Variants in PERP observed in about 807,000 individuals in gnomAD.
The protein encoded by PERP is p53 apoptosis effector related to PMP22.
In PERP, 11 loss-of-function variants were observed where a neutral mutation model predicts 20.3. That is an observed-to-expected ratio of 0.54 (90% confidence interval 0.34 to 0.90). The LOEUF is 0.90. Ranked by LOEUF, PERP falls within the 40% of genes least tolerant of loss-of-function variation. PERP has a pLI of 0.02. For missense variants in PERP, 224 were observed against 249.4 expected, an observed-to-expected ratio of 0.90 and a Z score of 0.69; for synonymous variants, 101 against 102.0, an observed-to-expected ratio of 0.99 and a Z score of 0.06.
chr6:138,098,204 A>G lies in PERP; in HGVS notation c.215-1710T>C, dbSNP rs138806394. Among the ~76,000 whole-genome samples the G allele has an allele frequency of 4.4e-3, 675 of 152,320 alleles. 6 individuals are homozygous for G. The highest frequency in any genetic ancestry group is 0.015 in the African/African-American group (641 of 41,572). ...TTCACTACATTTGAAAAGGAGAGTC[A>G]TGAGTCACCTGTCCTCCATCTTGGC... On this transcript the variant is annotated intron_variant, in intron 1 of 2. Transcript: ENST00000421351.
chr6:138,100,940 G>T (rs1024704478), intron 1 of PERP, among the ~76,000 whole-genome samples: 1 of 152,120 alleles, frequency 6.6e-6, no homozygotes, highest in Non-Finnish European at 1.5e-5. Flanking sequence ...TTCCTAGGAC[G>T]TGTTTTTAAG....
At chr6:138,105,003 T>C (rs1353066839) in intron 1 of PERP, among the ~76,000 whole-genome samples, 7 of 152,236 alleles carry the variant, frequency 4.6e-5, no homozygotes, top group Admixed American at 1.3e-4. Context: ...GACAGACGTA[T>C]AATAAGCACT....
Position 138,096,332 on chromosome 6 carries a change from AATTGCTG to A in PERP, c.355+15_355+21del, listed in dbSNP as rs757873028. ...ATGCCCACTGAAGGCATAAATGAAG[AATTGCTG>A]ACACACAGTCTTACCAGCCAAGGCA... On this transcript the variant is annotated intron_variant, in intron 2 of 2. Transcript: ENST00000421351. 13 of 1,612,666 alleles carry A rather than the reference AATTGCTG, an allele frequency of 8.1e-6. No individual in the cohort carries two copies. The Middle Eastern group carries it at 6.6e-4, about 82-fold the overall frequency.
rs577977770 is a variant in PERP at position 138,106,903 on chromosome 6, C to CTTTTTTTTTTTTTTTTTT, written c.214+223_214+224insAAAAAAAAAAAAAAAAAA. The stretch of plus-strand genomic sequence containing the variant: ...AAAACTATACAGTTTGAACTACGGC[C>CTTTTTTTTTTTTTTTTTT]TTTTTTTTTTTTCTGTTTCTGAGCT... On this transcript the variant is annotated intron_variant, in intron 1 of 2. Transcript: ENST00000421351. Among the ~76,000 whole-genome samples, 105 of 134,400 alleles carry CTTTTTTTTTTTTTTTTTT rather than the reference C, an allele frequency of 7.8e-4. 2 individuals are homozygous for CTTTTTTTTTTTTTTTTTT. Among genetic ancestry groups the CTTTTTTTTTTTTTTTTTT allele is most frequent in the African/African-American group, 1.1e-3 (38 of 35,916 alleles). The allele number at this position is 134,400 out of a possible 152,430, so 88.2% of individuals were successfully genotyped here.
At position 138,092,358 on chromosome 6, in the gene PERP, A is replaced by C. The variant is rs1417661392; in HGVS notation, c.356-90T>G. 5 of 1,154,056 alleles carry C rather than the reference A, an allele frequency of 4.3e-6. No homozygotes were observed. In the East Asian group the frequency reaches 1.2e-4, roughly 28 times the overall value. The allele number at this position is 1,154,056 out of a possible 1,614,324, so 71.5% of individuals were successfully genotyped here. ...AGCGACAGATTACCTCCTTCCACCA[A>C]GTTTCTGCCTTGAAATAAGTATAAA... On this transcript the variant is annotated intron_variant, in intron 2 of 2. Coordinates refer to ENST00000421351, the MANE Select transcript of PERP (RefSeq NM_022121.5).
In PERP at chr6:138,096,369, G is replaced by C; in HGVS notation, c.340C>G (p.Leu114Val). 1 of 1,613,982 alleles carries C rather than the reference G, an allele frequency of 6.2e-7. No individual in the cohort carries two copies. The highest frequency in any genetic ancestry group is 8.5e-7 in the Non-Finnish European group (1 of 1,179,946). Residue 114 changes from leucine to valine, a missense_variant, in exon 2 of 3, where the codon CTC becomes GTC. Coordinates refer to ENST00000421351, the MANE Select transcript of PERP (RefSeq NM_022121.5). The stretch of plus-strand genomic sequence containing the variant: ...ACAGTCTTACCAGCCAAGGCAAGGA[G>C]ACCTCCAATCACTCTCAGGAAGACA... ...MLVFLRVIGG[L>V]LALAAVFQII... is the part of the protein sequence containing the mutation.
At chr6:138,092,714 C>T (rs1293085664) in intron 2 of PERP, among the ~76,000 whole-genome samples, 1 of 152,074 alleles carries the variant, frequency 6.6e-6, no homozygotes, top group African/African-American at 2.4e-5. Flanking sequence ...TACACACAGG[C>T]ATGCACACAT....
intron 2 of PERP, among the ~76,000 whole-genome samples, chr6:138,093,583 T>C (rs1390531309): frequency 6.6e-6 from 1 of 152,194 alleles, no homozygotes; most frequent in Non-Finnish European, 1.5e-5. Flanking sequence ...TACCACATAC[T>C]GTGTAAGATA....
rs934779621 is a variant in PERP, at chr6:138,107,342, T to C, written c.-2A>G. 4 of 1,590,730 alleles carry C rather than the reference T, an allele frequency of 2.5e-6. No individual in the cohort carries two copies. In the African/African-American group the frequency reaches 5.4e-5, roughly 22 times the overall value. ...GCAGGCCAGGCCGCAGCGGATCATG[T>C]TGACGGGCGGCGCGGGGCCGAGCGG... is the stretch of plus-strand genomic sequence containing the variant. On this transcript the variant is annotated 5_prime_UTR_variant, in exon 1 of 3. Coordinates refer to ENST00000421351, the MANE Select transcript of PERP (RefSeq NM_022121.5). The surrounding 1 kb of genome is among the most constrained non-coding windows in gnomAD (Gnocchi z 4.8).
rs1196189395 is a variant in PERP, at chr6:138,092,164, C to T, written c.460G>A (p.Gly154Ser). ...AVTYIYNWAY[G>S]FGWAATIILI... is the part of the protein sequence containing the mutation. ...ATAATCGTGGCTGCCCACCCAAAGCCGTAGGCCCAGTTATAGATGTAAGTG... is the reference window on the plus strand; with the variant it reads ...ATAATCGTGGCTGCCCACCCAAAGCTGTAGGCCCAGTTATAGATGTAAGTG... Residue 154 changes from glycine (G) to serine (S), a missense_variant, in exon 3 of 3, where the codon GGC becomes AGC. By Grantham distance (56) the Gly-to-Ser change is moderately conservative. Coordinates refer to ENST00000421351, the MANE Select transcript of PERP (RefSeq NM_022121.5). The T allele has an allele frequency of 1.4e-5, 22 of 1,614,060 alleles. No homozygotes were observed. Among genetic ancestry groups the T allele is most frequent in the Non-Finnish European group, 1.9e-5 (22 of 1,180,000 alleles).
intron 1 of PERP, among the ~76,000 whole-genome samples, chr6:138,105,019 T>C (rs954958802): frequency 3.3e-5 from 5 of 152,194 alleles, no homozygotes; most frequent in African/African-American, 9.7e-5. Context: ...GCACTTAAAC[T>C]CATCTTTGGC....
intron 1 of PERP, among the ~76,000 whole-genome samples, chr6:138,104,921 G>T (rs1321881502): frequency 6.7e-6 from 1 of 150,332 alleles, no homozygotes; most frequent in Non-Finnish European, 1.5e-5. Flanking sequence ...CTAGATAATC[G>T]CCTTACAGTG....
chr6:138,094,342 C>T (rs959956127), intron 2 of PERP, among the ~76,000 whole-genome samples: 5 of 152,166 alleles, frequency 3.3e-5, no homozygotes, highest in African/African-American at 9.6e-5. Context: ...CTCCCTGTCT[C>T]TGTAAATTTG....
intron 1 of PERP, among the ~76,000 whole-genome samples, chr6:138,100,617 C>T (rs1775757241): frequency 6.6e-6 from 1 of 151,998 alleles, no homozygotes; most frequent in Non-Finnish European, 1.5e-5. Flanking sequence ...ATTGTCAACT[C>T]TCATTCTCTG....
At position 138,089,054 on chromosome 6, in the gene PERP, C is replaced by A. The variant is rs1002609559; in HGVS notation, c.*2988G>T. 6.6e-6 allele frequency: 1 copy of A among 152,040 alleles called. No homozygotes were observed. Among genetic ancestry groups the A allele is most frequent in the East Asian group, 1.9e-4 (1 of 5,188 alleles). The allele number at this position is 152,040 out of a possible 1,614,324, so 9.4% of individuals were successfully genotyped here. A position where few individuals can be genotyped will look rare whatever the true frequency, so the allele number is the denominator to read the frequency against. ...AAATTTTTTAATTAAAGAAAAAATT[C>A]TATCAATCAGAGAATCTTGAAGGTA... On this transcript the variant is annotated 3_prime_UTR_variant, in exon 3 of 3. Coordinates refer to ENST00000421351, the MANE Select transcript of PERP (RefSeq NM_022121.5).
intron 1 of PERP, among the ~76,000 whole-genome samples, chr6:138,103,441 C>A (rs902113439): frequency 2.0e-5 from 3 of 152,058 alleles, no homozygotes; most frequent in Non-Finnish European, 2.9e-5. Flanking sequence ...CGTGAGCCAC[C>A]ACACCCGGCC....
At chr6:138,101,521 T>C (rs1443346658) in intron 1 of PERP, among the ~76,000 whole-genome samples, 1 of 152,248 alleles carries the variant, frequency 6.6e-6, no homozygotes, top group Admixed American at 6.5e-5. Flanking sequence ...GTAGTCCTCC[T>C]CTTCATGAAT....
Position 138,092,187 on chromosome 6 carries a change from G to A in PERP, c.437C>T (p.Thr146Ile). The A allele has an allele frequency of 6.2e-7, 1 of 1,614,136 alleles. No homozygotes were observed. The highest frequency in any genetic ancestry group is 8.5e-7 in the Non-Finnish European group (1 of 1,179,992). The change falls in exon 3 of 3, where the codon ACT becomes ATT. Residue 146 changes from threonine (T) to isoleucine (I), a missense_variant. Physicochemically the swap from Thr to Ile is moderately conservative, Grantham distance 89 (BLOSUM62 -1). Coordinates refer to ENST00000421351, the MANE Select transcript of PERP (RefSeq NM_022121.5). ...GCCGTAGGCCCAGTTATAGATGTAA[G>A]TGACAGCAGGGTTGGCATGAAGGGT... ...TFTLHANPAV[T>I]YIYNWAYGFG...
At chr6:138,095,274 A>G (rs897322630) in intron 2 of PERP, among the ~76,000 whole-genome samples, 1 of 152,236 alleles carries the variant, frequency 6.6e-6, no homozygotes, top group South Asian at 2.1e-4. Context: ...TTTATTTTTA[A>G]TCAACAGAAA....
Sources: allele counts gnomAD v4.1 joint callset (sites outside exome capture counted in the v4.1 genomes callset), GRCh38; gene constraint gnomAD v4.1.1; non-coding constraint Gnocchi (gnomAD v3.1); transcripts MANE v1.5; gene names NCBI Gene and HGNC (gene_info 2026-07-23, HGNC 2026-07-21).